Variants in ANKS1B observed in about 807,000 individuals in gnomAD.
ANKS1B encodes the protein ankyrin repeat and sterile alpha motif domain containing 1B, also known as ankyrin repeat and sterile alpha motif domain-containing protein 1B.
ANKS1B carries 36 observed loss-of-function variants against 148.3 expected under a neutral mutation model. That is an observed-to-expected ratio of 0.24 (90% CI 0.19 to 0.32). ANKS1B has a LOEUF of 0.32. Among genes scored for constraint, ANKS1B ranks in the 10% least tolerant of loss-of-function variants. The pLI is 1.00. For missense variants in ANKS1B, 1,157 were observed against 1,542.6 expected (o/e 0.75, Z 4.19); for synonymous variants, 542 against 560.8 (o/e 0.97, Z 0.47).
chr12:99,222,724 T>C (rs181977440), intron 14 of ANKS1B, among the ~76,000 whole-genome samples: 1 of 152,208 alleles, frequency 6.6e-6, no homozygotes, highest in Admixed American at 6.5e-5. Flanking sequence ...TTTATTGAGA[T>C]ATGAATTGTT....
chr12:99,117,013 G>A (rs1210139536), intron 15 of ANKS1B, among the ~76,000 whole-genome samples: 1 of 152,146 alleles, frequency 6.6e-6, no homozygotes, highest in African/African-American at 2.4e-5. Context: ...TCTATTATTG[G>A]TGTATAGGAA....
intron 1 of ANKS1B, among the ~76,000 whole-genome samples, chr12:99,854,395 T>G (rs1375490570): frequency 6.6e-6 from 1 of 152,190 alleles, no homozygotes; most frequent in Non-Finnish European, 1.5e-5. Flanking sequence ...CCAATAATTT[T>G]GGGATTATGT....
intron 10 of ANKS1B, among the ~76,000 whole-genome samples, chr12:99,488,638 T>G (rs1048278198): frequency 1.3e-5 from 2 of 152,172 alleles, no homozygotes; most frequent in Non-Finnish European, 2.9e-5. Flanking sequence ...CTAGCTCCAG[T>G]GAAGCTCTTT....
At chr12:99,577,138 T>A (rs1478278007) in intron 9 of ANKS1B, among the ~76,000 whole-genome samples, 1 of 151,890 alleles carries the variant, frequency 6.6e-6, no homozygotes, top group African/African-American at 2.4e-5. Context: ...CTAGAAATAC[T>A]GATATTGTTT....
At chr12:98,778,996 A>G (rs2098708078) in intron 24 of ANKS1B, among the ~76,000 whole-genome samples, 1 of 152,212 alleles carries the variant, frequency 6.6e-6, no homozygotes, top group Non-Finnish European at 1.5e-5. Flanking sequence ...AAAGCCAGGC[A>G]CATGTTGTCA....
chr12:99,073,591 C>A (rs962501775), intron 16 of ANKS1B, among the ~76,000 whole-genome samples: 2 of 152,100 alleles, frequency 1.3e-5, no homozygotes, highest in African/African-American at 4.8e-5. Flanking sequence ...TCTTCTTTTT[C>A]ATATTTGTCT....
At chr12:98,781,279 A>G in intron 23 of ANKS1B, 76 bp from the exon 24 acceptor site, 1 of 801,392 alleles carries the variant, frequency 1.2e-6, no homozygotes, top group South Asian at 1.4e-5. Context: ...TTCCTCCTGA[A>G]AGATAAAGAT....
chr12:99,397,119 G>A (rs1461289206), intron 12 of ANKS1B, among the ~76,000 whole-genome samples: 1 of 152,050 alleles, frequency 6.6e-6, no homozygotes, highest in African/African-American at 2.4e-5. Flanking sequence ...CTCACTGAAT[G>A]AATGCTAGGA....
chr12:99,299,272 G>T (rs575317748), intron 12 of ANKS1B, among the ~76,000 whole-genome samples: 81 of 152,170 alleles, frequency 5.3e-4, no homozygotes, highest in Non-Finnish European at 5.1e-4. Context: ...TGTTGTCCAG[G>T]CTGGTCTTGA....
At chr12:98,787,206 A>G (rs1392295336) in intron 22 of ANKS1B, among the ~76,000 whole-genome samples, 1 of 152,194 alleles carries the variant, frequency 6.6e-6, no homozygotes, top group African/African-American at 2.4e-5. Flanking sequence ...GTGGGATTAC[A>G]AGAGATAAAA....
At chr12:99,409,005 G>C (rs556322577) in intron 11 of ANKS1B, among the ~76,000 whole-genome samples, 1 of 152,168 alleles carries the variant, frequency 6.6e-6, no homozygotes, top group South Asian at 2.1e-4. Flanking sequence ...CACACTGCTA[G>C]GTATATTCCC....
intron 10 of ANKS1B, among the ~76,000 whole-genome samples, chr12:99,468,464 C>A (rs2096174595): frequency 6.6e-6 from 1 of 152,144 alleles, no homozygotes; most frequent in Non-Finnish European, 1.5e-5. Flanking sequence ...TAAAGAGCTT[C>A]TGCACAGCAA....
chr12:99,452,406 G>T (rs1188519316), intron 10 of ANKS1B, among the ~76,000 whole-genome samples: 1 of 151,972 alleles, frequency 6.6e-6, no homozygotes. Context: ...AAAAACTAAG[G>T]TTTTCAATAT....
intron 12 of ANKS1B, among the ~76,000 whole-genome samples, chr12:99,270,562 G>A (rs1006731192): frequency 1.1e-4 from 17 of 152,300 alleles, no homozygotes; most frequent in Middle Eastern, 3.4e-3. Flanking sequence ...CAAACTCTGT[G>A]GCAAGTATTT....
chr12:99,902,213 T>G (rs780713512), intron 1 of ANKS1B, among the ~76,000 whole-genome samples: 5 of 152,104 alleles, frequency 3.3e-5, no homozygotes, highest in Non-Finnish European at 7.4e-5. Context: ...GAGGTGACAT[T>G]TTAGCTGAAA....
intron 14 of ANKS1B, among the ~76,000 whole-genome samples, chr12:99,204,559 A>G (rs1417229995): frequency 6.6e-6 from 1 of 152,220 alleles, no homozygotes. Context: ...TTTATGCACA[A>G]TAATTACAGC....
At chr12:99,396,697 A>C (rs1223439952) in intron 12 of ANKS1B, among the ~76,000 whole-genome samples, 1 of 152,172 alleles carries the variant, frequency 6.6e-6, no homozygotes, top group Non-Finnish European at 1.5e-5. Context: ...CAGAGTGGAG[A>C]AAAGGCGCCA....
chr12:99,070,156 G>A (rs1178489964), intron 16 of ANKS1B, among the ~76,000 whole-genome samples: 2 of 152,186 alleles, frequency 1.3e-5, no homozygotes, highest in African/African-American at 4.8e-5. Context: ...CTGGCATGCT[G>A]AGGAACATCT....
Position 99,438,007 on chromosome 12 carries a change from C to T in ANKS1B, c.1575+5666G>A, listed in dbSNP as rs563309964. ...TTGCCAAATAAAGTGACATTTTGGT[C>T]TCTCTTCTCCTCTATCTTCCTGGAA... On this transcript the variant is annotated intron_variant, in intron 11 of 26. Coordinates refer to ENST00000683438, the MANE Select transcript of ANKS1B (RefSeq NM_001352186.2). Among the ~76,000 whole-genome samples, 6 of 152,016 alleles carry T rather than the reference C, an allele frequency of 3.9e-5. No homozygotes were observed. The South Asian group carries it at 8.3e-4, about 21-fold the overall frequency.
Sources: gnomAD v4.1 joint callset for allele counts (sites outside exome capture counted in the v4.1 genomes callset) on GRCh38, gnomAD v4.1.1 for gene constraint, MANE v1.5 for transcripts, NCBI Gene and HGNC (gene_info 2026-07-23, HGNC 2026-07-21) for gene names.